The following OPCML variants were observed in gnomAD, a reference collection of about 807,000 sequenced individuals.
The protein encoded by OPCML is opioid binding protein/cell adhesion molecule like.
Under a neutral mutation model 37.8 loss-of-function variants are expected in OPCML, and 13 were observed. The ratio of observed to expected loss-of-function variants is 0.34; its 90% CI spans 0.22 to 0.55. The LOEUF (loss-of-function observed/expected upper bound fraction) is 0.55, where lower values mean the gene tolerates loss of function less well. Ranked by LOEUF, OPCML falls within the 20% of genes least tolerant of loss-of-function variation. OPCML has a pLI of 0.91. For synonymous variants in OPCML, 176 were observed against 168.8 expected (o/e 1.04, Z -0.33); for missense variants, 341 against 435.6 (o/e 0.78, Z 1.93).
At chr11:132,982,476 A>T (rs138066827) in intron 1 of OPCML, among the ~76,000 whole-genome samples, 138 of 151,706 alleles carry the variant, frequency 9.1e-4, no homozygotes, top group African/African-American at 3.1e-3. Context: ...GTTGGACAAG[A>T]CAAGAAAGTA....
At chr11:132,959,040 A>G (rs1946028395) in intron 1 of OPCML, among the ~76,000 whole-genome samples, 1 of 152,248 alleles carries the variant, frequency 6.6e-6, no homozygotes, top group Non-Finnish European at 1.5e-5. Flanking sequence ...CTTCTGATGG[A>G]TCTGGCCAAA....
intron 2 of OPCML, among the ~76,000 whole-genome samples, chr11:132,746,168 G>C (rs892921066): frequency 2.6e-5 from 4 of 151,734 alleles, no homozygotes; most frequent in African/African-American, 9.7e-5. Flanking sequence ...CCAGGAAACA[G>C]ACAAGGAGAG....
At chr11:133,488,004 CA>C (rs1947567002) in intron 1 of OPCML, among the ~76,000 whole-genome samples, 1 of 151,642 alleles carries the variant, frequency 6.6e-6, no homozygotes, top group South Asian at 2.1e-4. Flanking sequence ...ATCGCATAAA[CA>C]AAAAAGGATA....
chr11:133,296,901 A>G (rs1269538580), intron 1 of OPCML, among the ~76,000 whole-genome samples: 1 of 152,204 alleles, frequency 6.6e-6, no homozygotes, highest in Non-Finnish European at 1.5e-5. Flanking sequence ...CAGAGGTAAA[A>G]TAATAGTTTT....
chr11:132,471,217 G>A (rs138222986), intron 4 of OPCML, among the ~76,000 whole-genome samples: 1 of 152,314 alleles, frequency 6.6e-6, no homozygotes, highest in African/African-American at 2.4e-5. Flanking sequence ...CAGCTGGGAG[G>A]AGGGGGTTTG....
Position 132,416,586 on chromosome 11 carries a change from T to A in OPCML, c.*3607A>T, listed in dbSNP as rs893314055. ...TTTTGAAGTTGCTAGAGTCCAGGAA[T>A]AGTCTTCTCACCCAGGTTTTGAGAA... On this transcript the variant is annotated 3_prime_UTR_variant, in exon 8 of 8. Transcript: ENST00000524381. 5.3e-5 allele frequency: 8 copies of A among 152,200 alleles called. No individual in the cohort carries two copies. Among genetic ancestry groups the A allele is most frequent in the Non-Finnish European group, 1.2e-4 (8 of 68,046 alleles). The allele number at this position is 152,200 out of a possible 1,614,324, so 9.4% of individuals were successfully genotyped here.
At chr11:132,427,807 C>A (rs115880332) in intron 7 of OPCML, among the ~76,000 whole-genome samples, 13 of 152,192 alleles carry the variant, frequency 8.5e-5, no homozygotes. Context: ...TGATTCAGAG[C>A]GAGGAGGGCG....
chr11:132,787,453 G>T lies in OPCML; in HGVS notation c.147-130134C>A, dbSNP rs565069227. ...ACAAGTGATTCAGTCCTTACTAATT[G>T]AGGGCAAATCGCATAGCTTTGTTCA... On this transcript the variant is annotated intron_variant, in intron 2 of 7. Coordinates refer to ENST00000524381, the MANE Select transcript of OPCML (RefSeq NM_001012393.5). Among the ~76,000 whole-genome samples, 6 of 152,208 alleles carry T rather than the reference G, an allele frequency of 3.9e-5. No individual in the cohort carries two copies. The South Asian group carries it at 1.2e-3, about 32-fold the overall frequency.
At chr11:132,479,840 G>A (rs553144931) in intron 4 of OPCML, among the ~76,000 whole-genome samples, 9 of 152,246 alleles carry the variant, frequency 5.9e-5, no homozygotes, top group African/African-American at 2.2e-4. Context: ...CTAACAAACA[G>A]AAAGGACATC....
chr11:133,133,715 C>A (rs1435234814), intron 1 of OPCML, among the ~76,000 whole-genome samples: 3 of 152,190 alleles, frequency 2.0e-5, no homozygotes, highest in Non-Finnish European at 4.4e-5. Context: ...ATCCCTGTGT[C>A]TCTTACACCA....
At chr11:132,449,661 C>T (rs561384654) in intron 4 of OPCML, among the ~76,000 whole-genome samples, 20 of 152,256 alleles carry the variant, frequency 1.3e-4, no homozygotes, top group East Asian at 1.9e-4. Context: ...ACTGTGACTA[C>T]GGCAGCTCAG....
intron 4 of OPCML, among the ~76,000 whole-genome samples, chr11:132,527,545 AT>A (rs924962923): frequency 5.6e-4 from 80 of 143,418 alleles, no homozygotes; most frequent in South Asian, 5.4e-3. Context: ...GGAATTGCCC[AT>A]TTTTTTTTTC....
At chr11:132,554,446 T>G (rs908815401) in intron 3 of OPCML, among the ~76,000 whole-genome samples, 1 of 152,226 alleles carries the variant, frequency 6.6e-6, no homozygotes, top group Non-Finnish European at 1.5e-5. Context: ...AGCAAGTTTT[T>G]GCCAAAGCAT....
intron 3 of OPCML, among the ~76,000 whole-genome samples, chr11:132,622,333 T>C (rs1338664551): frequency 6.6e-6 from 1 of 151,830 alleles, no homozygotes; most frequent in African/African-American, 2.4e-5. Context: ...AGGGGGCCTC[T>C]TACAAAAGAG....
intron 4 of OPCML, among the ~76,000 whole-genome samples, chr11:132,475,136 G>A (rs570019083): frequency 6.2e-4 from 94 of 152,262 alleles, no homozygotes; most frequent in Middle Eastern, 6.8e-3. Context: ...GTTGGGTTTT[G>A]GAGAGTTCTT....
intron 1 of OPCML, among the ~76,000 whole-genome samples, chr11:132,971,023 T>A (rs1406034513): frequency 6.6e-6 from 1 of 152,102 alleles, no homozygotes; most frequent in African/African-American, 2.4e-5. Context: ...AGTCTTCATT[T>A]CTCTCTCAAT....
At chr11:132,967,378 A>G (rs1946239007) in intron 1 of OPCML, among the ~76,000 whole-genome samples, 1 of 152,122 alleles carries the variant, frequency 6.6e-6, no homozygotes, top group Non-Finnish European at 1.5e-5. Flanking sequence ...ATAAGCTACT[A>G]TTTAATTAAT....
At chr11:132,780,416 G>A (rs201777633) in intron 2 of OPCML, among the ~76,000 whole-genome samples, 2 of 152,172 alleles carry the variant, frequency 1.3e-5, no homozygotes, top group East Asian at 3.9e-4. Flanking sequence ...ATAGTGGGTT[G>A]TTTTTCTATT....
intron 3 of OPCML, among the ~76,000 whole-genome samples, chr11:132,590,689 C>T (rs1214617278): frequency 6.6e-6 from 1 of 152,138 alleles, no homozygotes; most frequent in Non-Finnish European, 1.5e-5. Context: ...AACCATGACT[C>T]TACATGAATT....
Sources: allele counts gnomAD v4.1 joint callset (sites outside exome capture counted in the v4.1 genomes callset), GRCh38; gene constraint gnomAD v4.1.1; transcripts MANE v1.5; gene names NCBI Gene and HGNC (gene_info 2026-07-23, HGNC 2026-07-21).